The following NRG2 variants were observed in gnomAD, a reference collection of about 807,000 sequenced individuals.
NRG2 encodes pro-neuregulin-2, membrane-bound isoform.
In NRG2, 27 loss-of-function variants were observed where a neutral mutation model predicts 73.9. The observed-to-expected ratio is 0.37, with a 90% CI of 0.27 to 0.50. The LOEUF (loss-of-function observed/expected upper bound fraction) is 0.50, where lower values mean the gene tolerates loss of function less well. Ranked by LOEUF, NRG2 falls within the 20% of genes least tolerant of loss-of-function variation. The pLI is 0.96. For synonymous variants in NRG2, 532 were observed against 541.0 expected (o/e 0.98, Z 0.23); for missense variants, 1,126 against 1,210.1 (o/e 0.93, Z 1.03).
At chr5:139,933,313 A>G (rs1385944476) in intron 1 of NRG2, among the ~76,000 whole-genome samples, 2 of 152,194 alleles carry the variant, frequency 1.3e-5, no homozygotes, top group African/African-American at 4.8e-5. Context: ...GCTTTCCTCA[A>G]AAGGGACACT....
At chr5:140,022,151 T>C (rs1411011409) in intron 1 of NRG2, among the ~76,000 whole-genome samples, 1 of 152,208 alleles carries the variant, frequency 6.6e-6, no homozygotes, top group Non-Finnish European at 1.5e-5. Context: ...CTAGGCATTG[T>C]ACAGTGTGCT....
In NRG2 at chr5:139,931,243, C is replaced by T. The variant is rs539440072; in HGVS notation, c.701-43732G>A. 2.0e-5 allele frequency among the ~76,000 whole-genome samples: 3 copies of T among 152,300 alleles called. No homozygotes were observed. The South Asian group carries it at 6.2e-4, about 32-fold the overall frequency. On this transcript the variant is annotated intron_variant, in intron 1 of 9. Coordinates refer to ENST00000361474, the MANE Select transcript of NRG2 (RefSeq NM_004883.3). ...TATTCTAGAGGAAAAGACATATTCC[C>T]AATCCTGAAAGAGTTTATAATCTAG... is the stretch of plus-strand genomic sequence containing the variant.
At chr5:139,957,965 C>A (rs1754762650) in intron 1 of NRG2, among the ~76,000 whole-genome samples, 1 of 152,116 alleles carries the variant, frequency 6.6e-6, no homozygotes, top group African/African-American at 2.4e-5. Flanking sequence ...CAAGGGCCAG[C>A]ACTTCTGGAT....
intron 4 of NRG2, 63 bp downstream of exon 4, chr5:139,871,658 A>T: frequency 1.9e-6 from 3 of 1,598,264 alleles, no homozygotes; most frequent in Non-Finnish European, 2.6e-6. Context: ...AGAGCCCTCC[A>T]CTTCTGACCC....
rs149929640 is a variant in NRG2 at position 139,993,272 on chromosome 5, A to G, written c.700+49098T>C. 1.1e-3 allele frequency among the ~76,000 whole-genome samples: 165 copies of G among 152,284 alleles called. 2 individuals carry two copies. The Middle Eastern group carries it at 0.031, about 28-fold the overall frequency. ...AAATCCAAAATTTTGACCATGGGCTATGAGGCCCACAAGAGCCCCACAAAA... is the reference window on the plus strand; with the variant it reads ...AAATCCAAAATTTTGACCATGGGCTGTGAGGCCCACAAGAGCCCCACAAAA... On this transcript the variant is annotated intron_variant, in intron 1 of 9. Coordinates refer to ENST00000361474, the MANE Select transcript of NRG2 (RefSeq NM_004883.3).
At chr5:139,885,571 C>T (rs1014532578) in intron 2 of NRG2, among the ~76,000 whole-genome samples, 1 of 152,168 alleles carries the variant, frequency 6.6e-6, no homozygotes, top group East Asian at 1.9e-4. Context: ...ATGGGGCAAC[C>T]GCTGGAGGGC....
At chr5:139,998,855 G>T (rs1285177518) in intron 1 of NRG2, among the ~76,000 whole-genome samples, 1 of 152,124 alleles carries the variant, frequency 6.6e-6, no homozygotes. Flanking sequence ...GTTAAGACAA[G>T]AGAAAAAACT....
At chr5:140,021,590 C>T (rs1251514807) in intron 1 of NRG2, among the ~76,000 whole-genome samples, 1 of 152,172 alleles carries the variant, frequency 6.6e-6, no homozygotes, top group Non-Finnish European at 1.5e-5. Context: ...TAAAATATCA[C>T]CTCTGCAACA....
At chr5:140,015,669 G>T (rs899806394) in intron 1 of NRG2, among the ~76,000 whole-genome samples, 1 of 152,194 alleles carries the variant, frequency 6.6e-6, no homozygotes, top group Non-Finnish European at 1.5e-5. Context: ...GATCTTTCAG[G>T]ATATAATTCT....
chr5:139,883,315 G>C (rs1015145497), intron 2 of NRG2, among the ~76,000 whole-genome samples: 1 of 147,810 alleles, frequency 6.8e-6, no homozygotes, highest in Non-Finnish European at 1.5e-5. Flanking sequence ...TTTCCTCAGC[G>C]CCTACCCCCG....
At chr5:139,882,756 A>AC (rs1454500502) in intron 2 of NRG2, among the ~76,000 whole-genome samples, 1 of 151,220 alleles carries the variant, frequency 6.6e-6, no homozygotes, top group Non-Finnish European at 1.5e-5. Flanking sequence ...TCTCCTTGTC[A>AC]CCCCCCTGGA....
Position 139,847,981 on chromosome 5 carries a change from C to T in NRG2, c.2489G>A (p.Arg830Gln), listed in dbSNP as rs1319225282. ...CCCGCGGCTGTGTCTGCTGCTGGCC[C>T]GCGTGCTGTGGCTGTCCAGTGAGTA... ...TYYSLDSHST[R>Q]ASSRHSRGPP... is the part of the protein sequence containing the mutation. The change falls in exon 10 of 10, where the codon CGG (arginine) becomes CAG (glutamine). Residue 830 changes from arginine to glutamine, a missense_variant. Arg to Gln is a conservative substitution (Grantham distance 43). This residue lies in a region of NRG2 where 402 missense variants were observed against 357.8 expected (regional missense o/e 1.12). Transcript: ENST00000361474. 1 of 1,513,530 alleles carries T rather than the reference C, an allele frequency of 6.6e-7. No individual in the cohort carries two copies. The highest frequency in any genetic ancestry group is 2.1e-5 in the Admixed American group (1 of 47,892). 93.8% of individuals were successfully genotyped at this position (1,513,530 alleles called of 1,614,324 possible).
Position 139,847,969 on chromosome 5 carries a change from C to A in NRG2, c.2501G>T (p.Arg834Ile). ...CCGCGGGGGCGGCCCGCGGCTGTGTCTGCTGCTGGCCCGCGTGCTGTGGCT... is the reference window on the plus strand; with the variant it reads ...CCGCGGGGGCGGCCCGCGGCTGTGTATGCTGCTGGCCCGCGTGCTGTGGCT... ...LDSHSTRASS[R>I]HSRGPPPRAK... The change falls in exon 10 of 10, where the codon AGA becomes ATA. Residue 834 changes from arginine (R) to isoleucine (I), a missense_variant. Arg to Ile is a moderately conservative substitution (Grantham distance 97). This residue lies in a region of NRG2 where 402 missense variants were observed against 357.8 expected (regional missense o/e 1.12). Coordinates refer to ENST00000361474, the MANE Select transcript of NRG2 (RefSeq NM_004883.3). 1 of 1,511,968 alleles carries A rather than the reference C, an allele frequency of 6.6e-7. No individual in the cohort carries two copies. 93.7% of individuals were successfully genotyped at this position (1,511,968 alleles called of 1,614,324 possible). A position where few individuals can be genotyped will look rare whatever the true frequency, so the allele number is the denominator to read the frequency against.
intron 1 of NRG2, among the ~76,000 whole-genome samples, chr5:139,952,449 C>T (rs114644491): frequency 0.026 from 4,024 of 152,256 alleles, 69 homozygotes; most frequent in Middle Eastern, 0.065. Flanking sequence ...GGAGAGCTTC[C>T]GTGGCTTAGA....
Position 139,904,200 on chromosome 5 carries a change from G to T in NRG2, c.701-16689C>A. Reference sequence around the variant, plus strand: ...CGCCCTCGGTGCCTGTCACCGCGGCGGCCGCTAGCGCAGCCTAGACTCACC... The same window carrying T: ...CGCCCTCGGTGCCTGTCACCGCGGCTGCCGCTAGCGCAGCCTAGACTCACC... On this transcript the variant is annotated intron_variant, in intron 1 of 9. Transcript: ENST00000361474. The surrounding 1 kb of genome is among the most constrained non-coding windows in gnomAD (Gnocchi z 6.0). 1 of 1,165,854 alleles carries T rather than the reference G, an allele frequency of 8.6e-7. No individual in the cohort carries two copies. Among genetic ancestry groups the T allele is most frequent in the Non-Finnish European group, 1.1e-6 (1 of 902,378 alleles). The allele number at this position is 1,165,854 out of a possible 1,614,324, so 72.2% of individuals were successfully genotyped here. A position where few individuals can be genotyped will look rare whatever the true frequency, so the allele number is the denominator to read the frequency against.
At position 140,042,662 on chromosome 5, in the gene NRG2, C is replaced by T. The variant is rs759299624; in HGVS notation, c.408G>A (p.Gln136=). ...KAPVVVEGKV[Q]GLVPAGGSSS... ...TGGAGCCGCCGGCTGGGACCAGCCCCTGTACCTTGCCCTCCACCACCACGG... is the reference window on the plus strand; with the variant it reads ...TGGAGCCGCCGGCTGGGACCAGCCCTTGTACCTTGCCCTCCACCACCACGG... Residue 136 remains glutamine (Q), a synonymous_variant, in exon 1 of 10, where the codon CAG becomes CAA. Coordinates refer to ENST00000361474, the MANE Select transcript of NRG2 (RefSeq NM_004883.3). 174 of 1,595,276 alleles carry T rather than the reference C, an allele frequency of 1.1e-4. No homozygotes were observed. The highest frequency in any genetic ancestry group is 1.4e-4 in the Non-Finnish European group (165 of 1,171,898).
intron 5 of NRG2, among the ~76,000 whole-genome samples, chr5:139,862,707 G>A (rs1437992882): frequency 2.0e-5 from 3 of 152,236 alleles, no homozygotes; most frequent in Non-Finnish European, 2.9e-5. Context: ...CATGCTCATG[G>A]GTTTGCTCAT....
chr5:139,955,536 G>A (rs1400512179), intron 1 of NRG2, among the ~76,000 whole-genome samples: 3 of 152,166 alleles, frequency 2.0e-5, no homozygotes, highest in African/African-American at 7.2e-5. Flanking sequence ...GTAGGCAGTG[G>A]GTAATCATGG....
At chr5:140,017,892 G>C (rs1254892593) in intron 1 of NRG2, among the ~76,000 whole-genome samples, 1 of 152,168 alleles carries the variant, frequency 6.6e-6, no homozygotes, top group Non-Finnish European at 1.5e-5. Context: ...AGTGGTGTTA[G>C]GCTCCTGAGA....
Sources: allele counts gnomAD v4.1 joint callset (sites outside exome capture counted in the v4.1 genomes callset), GRCh38; gene constraint gnomAD v4.1.1; regional missense constraint gnomAD v4.1.1; non-coding constraint Gnocchi (gnomAD v3.1); transcripts MANE v1.5; gene names NCBI Gene and HGNC (gene_info 2026-07-23, HGNC 2026-07-21).